The following RYR3 variants were observed in gnomAD, a reference collection of about 807,000 sequenced individuals.
RYR3 encodes the protein ryanodine receptor 3.
In RYR3, 207 loss-of-function variants were observed where a neutral mutation model predicts 584.3. That is an observed-to-expected ratio of 0.35 (90% CI 0.32 to 0.40). The LOEUF is 0.40. RYR3 is among the 10% of genes least tolerant of loss of function. The pLI, the probability that RYR3 is intolerant of heterozygous loss-of-function variation, is 1.00. For missense variants in RYR3, 5,616 were observed against 6,089.2 expected (o/e 0.92, Z 2.59); for synonymous variants, 2,416 against 2,248.5 (o/e 1.07, Z -2.11).
chr15:33,771,209 A>C (rs1242634145), intron 62 of RYR3, among the ~76,000 whole-genome samples: 1 of 152,160 alleles, frequency 6.6e-6, no homozygotes, highest in Non-Finnish European at 1.5e-5. Context: ...CTTACATCGG[A>C]AGAGTTTATG....
intron 8 of RYR3, among the ~76,000 whole-genome samples, chr15:33,545,828 T>G (rs1242398380): frequency 1.3e-5 from 2 of 152,092 alleles, no homozygotes; most frequent in Non-Finnish European, 2.9e-5. Flanking sequence ...GCAATGGTGC[T>G]GACTCTCCAG....
chr15:33,805,314 AC>A (rs1350283509), intron 69 of RYR3, among the ~76,000 whole-genome samples: 1 of 152,082 alleles, frequency 6.6e-6, no homozygotes, highest in Non-Finnish European at 1.5e-5. Flanking sequence ...AAGCCACTCC[AC>A]CCCATGAAGT....
At chr15:33,398,857 T>A (rs1438336863) in intron 1 of RYR3, among the ~76,000 whole-genome samples, 1 of 152,208 alleles carries the variant, frequency 6.6e-6, no homozygotes, top group Non-Finnish European at 1.5e-5. Flanking sequence ...GAGCTGAGCA[T>A]GTCTCTGACA....
chr15:33,601,670 A>T (rs1567637232), intron 17 of RYR3, 118 bp downstream of exon 17: 1 of 1,060,308 alleles, frequency 9.4e-7, no homozygotes, highest in Admixed American at 2.0e-5. Context: ...CCATGGTGAT[A>T]CAAGTACATA....
chr15:33,808,802 C>G (rs144373787), intron 70 of RYR3, among the ~76,000 whole-genome samples: 1 of 152,310 alleles, frequency 6.6e-6, no homozygotes, highest in Non-Finnish European at 1.5e-5. Context: ...GGCTCCTTCT[C>G]TTAGCCCCAT....
At chr15:33,523,442 T>A (rs1009479492) in intron 3 of RYR3, among the ~76,000 whole-genome samples, 22 of 152,230 alleles carry the variant, frequency 1.4e-4, no homozygotes, top group African/African-American at 5.3e-4. Context: ...AGGAGCAAAC[T>A]CTGGACACCC....
At chr15:33,361,432 A>T (rs917786508) in intron 1 of RYR3, among the ~76,000 whole-genome samples, 4 of 152,228 alleles carry the variant, frequency 2.6e-5, no homozygotes, top group African/African-American at 9.7e-5. Context: ...GCAAGGTAGA[A>T]AGTGCATGGC....
At position 33,723,158 on chromosome 15, in the gene RYR3, A is replaced by G. The variant is rs188278826; in HGVS notation, c.6800+263A>G. ...AAGTGGGCAAACTCTTGGCCTCCCT[A>G]TAGTATCACCATGGGGTAGGAAGCT... On this transcript the variant is annotated intron_variant, in intron 44 of 103. Transcript: ENST00000634891. 2.9e-4 allele frequency among the ~76,000 whole-genome samples: 44 copies of G among 152,314 alleles called. 1 individual carries two copies. Among genetic ancestry groups the G allele is most frequent in the Admixed American group, 2.0e-3 (31 of 15,310 alleles).
intron 1 of RYR3, among the ~76,000 whole-genome samples, chr15:33,381,134 G>A (rs1351193758): frequency 2.6e-5 from 4 of 152,064 alleles, no homozygotes; most frequent in Admixed American, 6.6e-5. Flanking sequence ...TGTTACTGCC[G>A]AGATGAAGGA....
chr15:33,566,910 C>A, intron 12 of RYR3, 111 bp downstream of exon 12: 1 of 1,218,520 alleles, frequency 8.2e-7, no homozygotes, highest in Non-Finnish European at 1.2e-6. Flanking sequence ...TAATGATACA[C>A]CAGCAAAGAG....
intron 1 of RYR3, among the ~76,000 whole-genome samples, chr15:33,430,224 G>A (rs2045016804): frequency 6.6e-6 from 1 of 152,244 alleles, no homozygotes; most frequent in Non-Finnish European, 1.5e-5. Context: ...ATTGCACAAT[G>A]CCAAGCAAGG....
chr15:33,458,930 A>G (rs964503419), intron 1 of RYR3, among the ~76,000 whole-genome samples: 1 of 152,178 alleles, frequency 6.6e-6, no homozygotes, highest in Admixed American at 6.5e-5. Context: ...TTTTTGTCAT[A>G]TCCAGAACTC....
At chr15:33,668,356 A>T (rs1340572913) in intron 36 of RYR3, among the ~76,000 whole-genome samples, 1 of 152,094 alleles carries the variant, frequency 6.6e-6, no homozygotes, top group East Asian at 1.9e-4. Context: ...TGTAGACAAA[A>T]TTAAAAGCTG....
chr15:33,726,603 C>A lies in RYR3; in HGVS notation c.7033+97C>A, dbSNP rs973410912. On this transcript the variant is annotated intron_variant, in intron 46 of 103. Transcript: ENST00000634891. Reference sequence around the variant, plus strand: ...CAGCACAGTGGCCCCCAGGCCCTGACTTGCAGGGCGGGCTGCACAGGGCAA... The same window carrying A: ...CAGCACAGTGGCCCCCAGGCCCTGAATTGCAGGGCGGGCTGCACAGGGCAA... 2.3e-6 allele frequency: 3 copies of A among 1,333,316 alleles called. No individual in the cohort carries two copies. The South Asian group carries it at 4.7e-5, about 21-fold the overall frequency. The allele number at this position is 1,333,316 out of a possible 1,614,324, so 82.6% of individuals were successfully genotyped here.
chr15:33,619,627 T>A (rs1003378170), intron 19 of RYR3, among the ~76,000 whole-genome samples: 1 of 152,202 alleles, frequency 6.6e-6, no homozygotes, highest in Non-Finnish European at 1.5e-5. Flanking sequence ...AACAATTTTG[T>A]CAGTAATTCG....
chr15:33,586,261 G>A (rs978566055), intron 16 of RYR3, 145 bp downstream of exon 16: 69 of 637,964 alleles, frequency 1.1e-4, no homozygotes, highest in Middle Eastern at 4.3e-4. Context: ...GACTTTCCCC[G>A]CATACAAGCA....
chr15:33,403,297 T>G (rs1296127249), intron 1 of RYR3, among the ~76,000 whole-genome samples: 3 of 152,206 alleles, frequency 2.0e-5, no homozygotes, highest in African/African-American at 7.2e-5. Context: ...GGCCAATACC[T>G]TTAGTGAAAT....
chr15:33,620,192 A>G (rs1422840741), intron 19 of RYR3, among the ~76,000 whole-genome samples: 2 of 152,026 alleles, frequency 1.3e-5, no homozygotes, highest in African/African-American at 4.8e-5. Flanking sequence ...GCGAAAGGGC[A>G]CCTCTTTTCC....
Position 33,702,360 on chromosome 15 carries a change from G to C in RYR3, c.6483+1280G>C, listed in dbSNP as rs1479635570. Among the ~76,000 whole-genome samples, 6 of 152,224 alleles carry C rather than the reference G, an allele frequency of 3.9e-5. No individual in the cohort carries two copies. The East Asian group carries it at 9.6e-4, about 24-fold the overall frequency. Reference sequence around the variant, plus strand: ...GAAACAAGTCTTGAGGCAAGGAGGAGAGTTTTGGTAGTAATCAAAGCCCAA... The same window carrying C: ...GAAACAAGTCTTGAGGCAAGGAGGACAGTTTTGGTAGTAATCAAAGCCCAA... On this transcript the variant is annotated intron_variant, in intron 42 of 103. Coordinates refer to ENST00000634891, the MANE Select transcript of RYR3 (RefSeq NM_001036.6).
Sources: gnomAD v4.1 joint callset for allele counts (sites outside exome capture counted in the v4.1 genomes callset) on GRCh38, gnomAD v4.1.1 for gene constraint, MANE v1.5 for transcripts, NCBI Gene and HGNC (gene_info 2026-07-23, HGNC 2026-07-21) for gene names.